Variants in WDR33 observed in about 807,000 individuals in gnomAD.
WDR33 encodes WD repeat domain 33, also known as pre-mRNA 3' end processing protein WDR33.
A neutral mutation model predicts 164.9 loss-of-function variants in WDR33; 47 were observed. The observed-to-expected ratio is 0.29, with a 90% CI of 0.23 to 0.36. The LOEUF is 0.36. Among genes scored for constraint, WDR33 ranks in the 10% least tolerant of loss-of-function variants. The pLI is 1.00. For missense variants in WDR33, 1,137 were observed against 1,754.1 expected (o/e 0.65, Z 6.28); for synonymous variants, 505 against 589.0 (o/e 0.86, Z 2.06).
rs1686005121 is a variant in WDR33 at position 127,706,221 on chromosome 2, C to G, written c.*102G>C. 4 of 1,128,498 alleles carry G rather than the reference C, an allele frequency of 3.5e-6. No homozygotes were observed. Among genetic ancestry groups the G allele is most frequent in the Non-Finnish European group, 4.8e-6 (4 of 827,868 alleles). 69.9% of individuals were successfully genotyped at this position (1,128,498 alleles called of 1,614,324 possible). On this transcript the variant is annotated 3_prime_UTR_variant, in exon 22 of 22. Coordinates refer to ENST00000322313, the MANE Select transcript of WDR33 (RefSeq NM_018383.5). The surrounding 1 kb of genome is among the most constrained non-coding windows in gnomAD (Gnocchi z 5.1). Reference sequence around the variant, plus strand: ...GGATTCAGGTGCCCAGAAAAGAGTTCAGGGCTACAATGGTGCAGGCTTCCT... The same window carrying G: ...GGATTCAGGTGCCCAGAAAAGAGTTGAGGGCTACAATGGTGCAGGCTTCCT...
intron 1 of WDR33, among the ~76,000 whole-genome samples, chr2:127,781,696 T>TA (rs970856386): frequency 1.2e-4 from 18 of 150,130 alleles, no homozygotes; most frequent in South Asian, 4.2e-4. Context: ...ACTAGCTGGT[T>TA]AAAAAAAAAA....
At chr2:127,728,844 CTCTA>C (rs1686632738) in intron 7 of WDR33, among the ~76,000 whole-genome samples, 1 of 152,176 alleles carries the variant, frequency 6.6e-6, no homozygotes, top group Admixed American at 6.5e-5. Flanking sequence ...TAACAGCCGT[CTCTA>C]TCTACCCTCA....
At chr2:127,733,682 G>A (rs1686765375) in intron 7 of WDR33, among the ~76,000 whole-genome samples, 1 of 152,022 alleles carries the variant, frequency 6.6e-6, no homozygotes. Context: ...AGACAGGAGA[G>A]ATATAGAATA....
chr2:127,764,306 C>T lies in WDR33; in HGVS notation c.626+522G>A, dbSNP rs747044202. 26 of 1,323,968 alleles carry T rather than the reference C, an allele frequency of 2.0e-5. No homozygotes were observed. The highest frequency in any genetic ancestry group is 2.3e-5 in the Non-Finnish European group (24 of 1,036,944). The allele number at this position is 1,323,968 out of a possible 1,614,324, so 82.0% of individuals were successfully genotyped here. On this transcript the variant is annotated intron_variant, in intron 6 of 21. Transcript: ENST00000322313. This position sits in a 1 kb window ranked among gnomAD's most constrained non-coding sequence, Gnocchi z 6.2. The stretch of plus-strand genomic sequence containing the variant: ...AGCTTGAAGAACCCATTCATTACTC[C>T]GTTAATGTTTGCCACATCCAGTTAT...
At chr2:127,794,463 C>T (rs376581226) in intron 1 of WDR33, among the ~76,000 whole-genome samples, 1 of 151,262 alleles carries the variant, frequency 6.6e-6, no homozygotes, top group South Asian at 2.1e-4. Flanking sequence ...ATTGCACCAT[C>T]GCACCCCAGC....
At chr2:127,742,087 A>T (rs1006574709) in intron 7 of WDR33, among the ~76,000 whole-genome samples, 1 of 152,098 alleles carries the variant, frequency 6.6e-6, no homozygotes, top group African/African-American at 2.4e-5. Context: ...CTGTAATCCC[A>T]GCCACTCCAG....
At chr2:127,758,981 A>T (rs191953944) in intron 7 of WDR33, among the ~76,000 whole-genome samples, 120 of 152,310 alleles carry the variant, frequency 7.9e-4, no homozygotes, top group African/African-American at 2.7e-3. Context: ...AACATAACCT[A>T]TAGGCTCATT....
chr2:127,746,767 A>G (rs918892195), intron 7 of WDR33, among the ~76,000 whole-genome samples: 1 of 152,254 alleles, frequency 6.6e-6, no homozygotes, highest in African/African-American at 2.4e-5. Flanking sequence ...GTTTAACAAC[A>G]TTAATAATTT....
At chr2:127,752,575 C>T (rs11897140) in intron 7 of WDR33, among the ~76,000 whole-genome samples, 6,775 of 124,768 alleles carry the variant, frequency 0.054, 348 homozygotes, top group African/African-American at 0.15. Context: ...CCGGCCTGGG[C>T]GACAGAGCGA....
chr2:127,701,485 G>T lies in WDR33; in HGVS notation c.*4838C>A. On this transcript the variant is annotated 3_prime_UTR_variant, in exon 22 of 22. Transcript: ENST00000322313. ...ACCGAACCGCTTCAGCGGAGGGCCG[G>T]AAGTGAGCCGCAGCTTTTCCTTTCT... 1 of 1,262,714 alleles carries T rather than the reference G, an allele frequency of 7.9e-7. No individual in the cohort carries two copies. The allele number at this position is 1,262,714 out of a possible 1,614,324, so 78.2% of individuals were successfully genotyped here. A position where few individuals can be genotyped will look rare whatever the true frequency, so the allele number is the denominator to read the frequency against.
intron 18 of WDR33, among the ~76,000 whole-genome samples, chr2:127,711,766 A>ATTTTTTTT (rs1309830917): frequency 2.2e-4 from 16 of 72,624 alleles, no homozygotes; most frequent in African/African-American, 6.4e-4. Context: ...ATATATATAT[A>ATTTTTTTT]TATATATATA....
chr2:127,737,728 G>A (rs1558930701), intron 7 of WDR33: 1 of 1,171,978 alleles, frequency 8.5e-7, no homozygotes, highest in Non-Finnish European at 1.1e-6. Context: ...TGATTCTTCT[G>A]GAGCACTTCC....
chr2:127,797,987 CT>C (rs1402378810), intron 1 of WDR33, among the ~76,000 whole-genome samples: 1 of 152,106 alleles, frequency 6.6e-6, no homozygotes, highest in Non-Finnish European at 1.5e-5. Context: ...GCACTTCAAC[CT>C]GGTGACAGAG....
At chr2:127,803,293 A>G (rs776533955) in intron 1 of WDR33, among the ~76,000 whole-genome samples, 10 of 152,166 alleles carry the variant, frequency 6.6e-5, no homozygotes, top group East Asian at 1.9e-4. Flanking sequence ...TAAAATACCA[A>G]TGTAGGCCAG....
intron 1 of WDR33, among the ~76,000 whole-genome samples, chr2:127,808,973 C>G (rs79051038): frequency 0.028 from 4,036 of 144,684 alleles, 196 homozygotes; most frequent in African/African-American, 0.097. Flanking sequence ...GAGCTTGCAG[C>G]GAGCCAAAGA....
At chr2:127,782,153 T>A (rs940698991) in intron 1 of WDR33, among the ~76,000 whole-genome samples, 1 of 152,106 alleles carries the variant, frequency 6.6e-6, no homozygotes, top group Non-Finnish European at 1.5e-5. Context: ...ATGCCTGTCA[T>A]CCCAGCACTT....
At chr2:127,755,942 C>T (rs903009313) in intron 7 of WDR33, among the ~76,000 whole-genome samples, 4 of 152,068 alleles carry the variant, frequency 2.6e-5, no homozygotes, top group Non-Finnish European at 5.9e-5. Context: ...AATTTCCATT[C>T]GTGACAAAAC....
In WDR33 at chr2:127,701,503, T is replaced by C; in HGVS notation, c.*4820A>G. Reference sequence around the variant, plus strand: ...AGGGCCGGAAGTGAGCCGCAGCTTTTCCTTTCTGCCACCGCCTTGTCCAAG... The same window carrying C: ...AGGGCCGGAAGTGAGCCGCAGCTTTCCCTTTCTGCCACCGCCTTGTCCAAG... On this transcript the variant is annotated 3_prime_UTR_variant, in exon 22 of 22. Coordinates refer to ENST00000322313, the MANE Select transcript of WDR33 (RefSeq NM_018383.5). 4 of 1,282,544 alleles carry C rather than the reference T, an allele frequency of 3.1e-6. No homozygotes were observed. The highest frequency in any genetic ancestry group is 6.1e-5 in the East Asian group (2 of 32,548). 79.4% of individuals were successfully genotyped at this position (1,282,544 alleles called of 1,614,324 possible). A position where few individuals can be genotyped will look rare whatever the true frequency, so the allele number is the denominator to read the frequency against.
At chr2:127,762,688 T>C (rs17534053) in intron 7 of WDR33, 84,015 of 1,015,838 alleles carry the variant, frequency 0.083, 3,539 homozygotes, top group Non-Finnish European at 0.086. Context: ...TAATTCATAT[T>C]GTAAAAGGAC....
Sources: allele counts gnomAD v4.1 joint callset (sites outside exome capture counted in the v4.1 genomes callset), GRCh38; gene constraint gnomAD v4.1.1; non-coding constraint Gnocchi (gnomAD v3.1); transcripts MANE v1.5; gene names NCBI Gene and HGNC (gene_info 2026-07-23, HGNC 2026-07-21).